Variants in NUP43 observed in about 807,000 individuals in gnomAD.
The protein encoded by NUP43 is nucleoporin Nup43.
In NUP43, 32 loss-of-function variants were observed where a neutral mutation model predicts 47.3. The ratio of observed to expected loss-of-function variants is 0.68; its 90% CI spans 0.51 to 0.91. The LOEUF (loss-of-function observed/expected upper bound fraction) is 0.91, where lower values mean the gene tolerates loss of function less well. Ranked by LOEUF, NUP43 falls within the 40% of genes least tolerant of loss-of-function variation. The probability of loss-of-function intolerance (pLI) is 0.00; values close to 1 mark genes in which losing one functional copy is unlikely to be tolerated. For synonymous variants in NUP43, 147 were observed against 158.4 expected (o/e 0.93, Z 0.54); for missense variants, 444 against 453.9 (o/e 0.98, Z 0.20).
At chr6:149,743,456 G>A (rs920482368) in intron 3 of NUP43, among the ~76,000 whole-genome samples, 182 bp downstream of exon 3, 7 of 152,116 alleles carry the variant, frequency 4.6e-5, no homozygotes, top group East Asian at 1.9e-4. Flanking sequence ...TTAGCCGGGC[G>A]TGGTGGCACG....
Position 149,743,511 on chromosome 6 carries a change from C to T in NUP43, c.321+127G>A. On this transcript the variant is annotated intron_variant, in intron 3 of 7. Coordinates refer to ENST00000340413, the MANE Select transcript of NUP43 (RefSeq NM_198887.3). ...TTGGGAGGCTGAGGCAGGAGAATCA[C>T]TTGAACTCAGAAGGTGGAGGCTGCG... The T allele has an allele frequency of 5.1e-6, 3 of 582,926 alleles. No homozygotes were observed. The South Asian group carries it at 5.9e-5, about 12-fold the overall frequency. The allele number at this position is 582,926 out of a possible 1,614,324, so 36.1% of individuals were successfully genotyped here. A position where few individuals can be genotyped will look rare whatever the true frequency, so the allele number is the denominator to read the frequency against.
At chr6:149,728,497 T>C (rs1784890579) in intron 7 of NUP43, 1 of 973,850 alleles carries the variant, frequency 1.0e-6, no homozygotes, top group South Asian at 4.7e-5. Flanking sequence ...GTTTTAGAAT[T>C]TTTTTCCCCT....
chr6:149,735,527 C>T (rs10782314), intron 6 of NUP43, among the ~76,000 whole-genome samples: 58,156 of 142,812 alleles, frequency 0.41, 12,354 homozygotes, highest in East Asian at 0.82. Context: ...TCCAGGAGTT[C>T]AAGGCTGCAA....
intron 6 of NUP43, 30 bp downstream of exon 6, chr6:149,736,441 A>G (rs1482746623): frequency 6.6e-7 from 1 of 1,522,840 alleles, no homozygotes; most frequent in Non-Finnish European, 8.9e-7. Context: ...CTCACCCAAT[A>G]TAAACTTTCT....
intron 2 of NUP43, among the ~76,000 whole-genome samples, chr6:149,743,971 C>A (rs1294529357): frequency 1.3e-5 from 2 of 152,176 alleles, no homozygotes; most frequent in African/African-American, 4.8e-5. Flanking sequence ...CACAATAAAA[C>A]CTTAGGAAAA....
chr6:149,729,119 T>C (rs146055941), intron 7 of NUP43, among the ~76,000 whole-genome samples: 29 of 151,812 alleles, frequency 1.9e-4, no homozygotes, highest in African/African-American at 6.8e-4. Flanking sequence ...GCCTCCAGAG[T>C]AGCTGGGATT....
At chr6:149,735,975 TAAAAAAA>T in intron 6 of NUP43, among the ~76,000 whole-genome samples, 1 of 117,176 alleles carries the variant, frequency 8.5e-6, no homozygotes, top group African/African-American at 3.4e-5. Context: ...CCTGTCTCTT[TAAAAAAA>T]AAAAAAAAAA....
chr6:149,745,397 C>A (rs1173012013), intron 2 of NUP43, among the ~76,000 whole-genome samples: 1 of 146,192 alleles, frequency 6.8e-6, no homozygotes, highest in Admixed American at 6.9e-5. Context: ...GAGACTCCAT[C>A]TTGGAAAAAA....
intron 6 of NUP43, among the ~76,000 whole-genome samples, chr6:149,736,114 C>T (rs552256869): frequency 1.3e-4 from 19 of 151,716 alleles, no homozygotes; most frequent in African/African-American, 3.4e-4. Context: ...CCAGTCTCTA[C>T]TAAAAATATA....
chr6:149,728,931 C>T (rs1371354259), intron 7 of NUP43, among the ~76,000 whole-genome samples: 1 of 152,008 alleles, frequency 6.6e-6, no homozygotes, highest in Non-Finnish European at 1.5e-5. Flanking sequence ...TATTCTTTAT[C>T]CTCCTACTCT....
chr6:149,733,908 T>G (rs907050280), intron 6 of NUP43, among the ~76,000 whole-genome samples: 3 of 151,854 alleles, frequency 2.0e-5, no homozygotes, highest in African/African-American at 7.3e-5. Context: ...CACCACAACC[T>G]CTGCCTCCCA....
chr6:149,748,580 C>A (rs563331826), upstream of NUP43, among the ~76,000 whole-genome samples: 1 of 152,048 alleles, frequency 6.6e-6, no homozygotes, highest in African/African-American at 2.4e-5. Context: ...GAGGCCGAGG[C>A]GGGCGGATCA....
chr6:149,745,040 A>G (rs1393671500), intron 2 of NUP43, among the ~76,000 whole-genome samples: 2 of 150,584 alleles, frequency 1.3e-5, no homozygotes, highest in Non-Finnish European at 3.0e-5. Context: ...AGCTGGGATT[A>G]CAAGCGCGCA....
Position 149,746,055 on chromosome 6 carries a change from T to C in NUP43, c.128A>G (p.Tyr43Cys), listed in dbSNP as rs777506674. Reference sequence around the variant, plus strand: ...ATCTCCAATAGACCACAGTGAAATATAATTTTCCTGTAAAACAGAAAGTTT... The same window carrying C: ...ATCTCCAATAGACCACAGTGAAATACAATTTTCCTGTAAAACAGAAAGTTT... ...ATGSWDNEEN[Y>C]ISLWSIGDFG... Residue 43 changes from tyrosine (Y) to cysteine (C), a missense_variant, in exon 2 of 8, where the codon TAT becomes TGT. Transcript: ENST00000340413. 19 of 1,612,476 alleles carry C rather than the reference T, an allele frequency of 1.2e-5. No individual in the cohort carries two copies. The South Asian group carries it at 1.8e-4, about 15-fold the overall frequency.
chr6:149,748,532 G>C (rs555382342), upstream of NUP43, among the ~76,000 whole-genome samples: 3 of 151,770 alleles, frequency 2.0e-5, no homozygotes, highest in East Asian at 5.9e-4. Flanking sequence ...ACTGGAGGCC[G>C]GGCGCTGTGG....
intron 4 of NUP43, among the ~76,000 whole-genome samples, chr6:149,742,178 C>T (rs1413395914): frequency 6.6e-6 from 1 of 152,228 alleles, no homozygotes; most frequent in African/African-American, 2.4e-5. Flanking sequence ...AGGCATGTGC[C>T]ACCATGCCCA....
At chr6:149,736,662 G>T in intron 5 of NUP43, 40 bp from the exon 6 acceptor site, 1 of 1,512,936 alleles carries the variant, frequency 6.6e-7, no homozygotes, top group Non-Finnish European at 9.1e-7. Context: ...ATCAAATAAA[G>T]TATAATTTAT....
At chr6:149,740,833 T>C (rs1364308645) in intron 4 of NUP43, among the ~76,000 whole-genome samples, 1 of 152,210 alleles carries the variant, frequency 6.6e-6, no homozygotes, top group Non-Finnish European at 1.5e-5. Flanking sequence ...CTCTTTGCAA[T>C]CTGGCCCCAG....
intron 4 of NUP43, among the ~76,000 whole-genome samples, chr6:149,739,786 T>C (rs564756325): frequency 6.6e-5 from 10 of 152,292 alleles, no homozygotes; most frequent in South Asian, 2.1e-4. Flanking sequence ...CCTTGTATTA[T>C]TCTGCAGACT....
Sources: gnomAD v4.1 joint callset for allele counts (sites outside exome capture counted in the v4.1 genomes callset) on GRCh38, gnomAD v4.1.1 for gene constraint, MANE v1.5 for transcripts, NCBI Gene and HGNC (gene_info 2026-07-23, HGNC 2026-07-21) for gene names.